RAI1: variants seen among roughly 807,000 people sequenced by gnomAD.
RAI1 encodes retinoic acid induced 1, also known as retinoic acid-induced protein 1.
RAI1 carries 9 observed loss-of-function variants against 123.8 expected under a neutral mutation model. The observed-to-expected ratio is 0.07, with a 90% CI of 0.04 to 0.13. The LOEUF (loss-of-function observed/expected upper bound fraction) is 0.13. Among genes scored for constraint, RAI1 ranks in the 10% least tolerant of loss-of-function variants. RAI1 has a pLI of 1.00. For missense variants in RAI1, 2,256 were observed against 2,545.8 expected, an observed-to-expected ratio of 0.89 and a Z score of 2.45; for synonymous variants, 1,231 against 1,127.3, an observed-to-expected ratio of 1.09 and a Z score of -1.84.
intron 2 of RAI1, among the ~76,000 whole-genome samples, chr17:17,792,548 G>C (rs1338048255): frequency 6.8e-6 from 1 of 146,084 alleles, no homozygotes; most frequent in East Asian, 2.0e-4. Flanking sequence ...GTGATGGGTG[G>C]GGGACATTGG....
chr17:17,719,449 T>G (rs1598032382), intron 1 of RAI1, among the ~76,000 whole-genome samples: 1 of 152,350 alleles, frequency 6.6e-6, no homozygotes, highest in East Asian at 1.9e-4. Context: ...CCCAGACAGC[T>G]GCATGCCTCA....
chr17:17,793,777 GACCAGCAGCAGCAGCAGCAGCAGCAGC>G lies in RAI1; in HGVS notation c.831_857del (p.Asp277_Gln286delinsGlu). On this transcript the variant is annotated inframe_deletion, in exon 3 of 6. Coordinates refer to ENST00000353383, the MANE Select transcript of RAI1 (RefSeq NM_030665.4). ...CTACCAGTCGGGCCGCCTCAGCTAT[GACCAGCAGCAGCAGCAGCAGCAGCAGC>G]AGCAGCAGCAGCAGCAAGCCCTTCA... The G allele has an allele frequency of 6.3e-7, 1 of 1,590,672 alleles. No individual in the cohort carries two copies. The highest frequency in any genetic ancestry group is 8.5e-7 in the Non-Finnish European group (1 of 1,174,986).
At chr17:17,708,033 C>A (rs1428915964) in intron 1 of RAI1, among the ~76,000 whole-genome samples, 1 of 152,180 alleles carries the variant, frequency 6.6e-6, no homozygotes, top group Non-Finnish European at 1.5e-5. Context: ...GAGGCTCTGG[C>A]AGACCTCAGA....
At chr17:17,698,155 G>A (rs963202881) in intron 1 of RAI1, among the ~76,000 whole-genome samples, 1 of 152,210 alleles carries the variant, frequency 6.6e-6, no homozygotes, top group East Asian at 1.9e-4. Flanking sequence ...CCAGTGCGCT[G>A]CTGTGGGGTG....
At position 17,800,852 on chromosome 17, in the gene RAI1, G is replaced by A; in HGVS notation, c.5565+2339G>A. ...TTGGGGGCGCCATGCTCCTTGGAGT[G>A]AGACCCTGGTTCAAATCCCAGCTCT... On this transcript the variant is annotated intron_variant, in intron 3 of 5. Transcript: ENST00000353383. This position sits in a 1 kb window ranked among gnomAD's most constrained non-coding sequence, Gnocchi z 4.7. 6.6e-6 allele frequency among the ~76,000 whole-genome samples: 1 copy of A among 152,224 alleles called. No individual in the cohort carries two copies. The highest frequency in any genetic ancestry group is 1.5e-5 in the Non-Finnish European group (1 of 68,040).
chr17:17,724,849 A>G (rs1916025576), intron 2 of RAI1, among the ~76,000 whole-genome samples: 1 of 151,968 alleles, frequency 6.6e-6, no homozygotes, highest in Non-Finnish European at 1.5e-5. Flanking sequence ...GGATCTGGAC[A>G]GAGCTGCAGG....
At position 17,795,354 on chromosome 17, in the gene RAI1, G is replaced by T; in HGVS notation, c.2406G>T (p.Lys802Asn). ...GFQEEDPPGE[K>N]VASLPGDFKQ... Reference sequence around the variant, plus strand: ...AGGAGGAGGACCCCCCTGGGGAGAAGGTGGCCTCGTTGCCCGGGGACTTCA... The same window carrying T: ...AGGAGGAGGACCCCCCTGGGGAGAATGTGGCCTCGTTGCCCGGGGACTTCA... Residue 802 changes from lysine to asparagine, a missense_variant, in exon 3 of 6, where the codon AAG becomes AAT. Around this residue, in one of 7 missense-constraint regions of RAI1, gnomAD observed 566 missense variants for 616.0 expected, o/e 0.92. Transcript: ENST00000353383. This position sits in a 1 kb window ranked among gnomAD's most constrained non-coding sequence, Gnocchi z 5.9. The T allele has an allele frequency of 6.3e-7, 1 of 1,598,962 alleles. No individual in the cohort carries two copies. Among genetic ancestry groups the T allele is most frequent in the Non-Finnish European group, 8.5e-7 (1 of 1,170,340 alleles).
intron 2 of RAI1, among the ~76,000 whole-genome samples, chr17:17,732,709 C>T (rs1438543448): frequency 6.6e-6 from 1 of 152,240 alleles, no homozygotes; most frequent in African/African-American, 2.4e-5. Flanking sequence ...GAGGCTACTG[C>T]TGCCTGGCGG....
At chr17:17,755,401 G>T (rs1183774645) in intron 2 of RAI1, among the ~76,000 whole-genome samples, 1 of 152,204 alleles carries the variant, frequency 6.6e-6, no homozygotes, top group African/African-American at 2.4e-5. Flanking sequence ...CTGGGCACTG[G>T]AACCACTTGG....
rs780112247 is a variant in RAI1 at position 17,803,900 on chromosome 17, CA to C, written c.5659+52del. On this transcript the variant is annotated intron_variant, in intron 4 of 5. Transcript: ENST00000353383. ...GGCATTGGAGCCCATCCAAGCAGTC[CA>C]GGGGGACCCTCCCTGGGCACAGCTC... is the stretch of plus-strand genomic sequence containing the variant. 4.5e-6 allele frequency: 7 copies of C among 1,545,066 alleles called. 1 individual carries two copies. The highest frequency in any genetic ancestry group is 6.3e-6 in the Non-Finnish European group (7 of 1,118,084).
At chr17:17,789,484 CGCTGG>C (rs2031938925) in intron 2 of RAI1, among the ~76,000 whole-genome samples, 2 of 152,204 alleles carry the variant, frequency 1.3e-5, no homozygotes, top group Admixed American at 1.3e-4. Context: ...CTGTGAGAGC[CGCTGG>C]CCTTGCACCG....
rs751238977 is a variant in RAI1 at position 17,795,876 on chromosome 17, C to T, written c.2928C>T (p.Pro976=). 2 of 1,612,630 alleles carry T rather than the reference C, an allele frequency of 1.2e-6. No homozygotes were observed. The highest frequency in any genetic ancestry group is 1.7e-6 in the Non-Finnish European group (2 of 1,179,978). ...TTSDASLAQK[P]NKPAVPEAPI... is the part of the protein sequence containing the mutation. ...CGGACGCCTCTCTGGCCCAGAAGCC[C>T]AACAAGCCTGCTGTGCCCGAGGCGC... Residue 976 remains proline, a synonymous_variant, in exon 3 of 6, where the codon CCC becomes CCT. Transcript: ENST00000353383. This position sits in a 1 kb window ranked among gnomAD's most constrained non-coding sequence, Gnocchi z 5.9.
In RAI1 at chr17:17,732,857, A is replaced by G. The variant is rs569775357; in HGVS notation, c.-17+8698A>G. ...TGCAGAGCCTACCACCTCCTCTGCC[A>G]TCTCTTCCACAGAGAGGCCAGGGCT... On this transcript the variant is annotated intron_variant, in intron 2 of 5. Transcript: ENST00000353383. 4.6e-5 allele frequency among the ~76,000 whole-genome samples: 7 copies of G among 152,268 alleles called. No homozygotes were observed. In the East Asian group the frequency reaches 1.4e-3, roughly 29 times the overall value.
rs1268228334 is a variant in RAI1 at position 17,695,082 on chromosome 17, CCGAGGG to C, written c.-149+13291_-149+13296del. On this transcript the variant is annotated intron_variant, in intron 1 of 5. Transcript: ENST00000353383. ...CGGCAGGGGCCTCGGGAAGCCGCTT[CCGAGGG>C]CCAGGATAATGGGGAGACTGGACCC... Among the ~76,000 whole-genome samples the C allele has an allele frequency of 2.6e-4, 40 of 152,158 alleles. 1 individual carries two copies. Among genetic ancestry groups the C allele is most frequent in the Admixed American group, 2.6e-3 (39 of 15,286 alleles).
chr17:17,684,124 T>C (rs371595296), intron 1 of RAI1: 14 of 152,312 alleles, frequency 9.2e-5, no homozygotes, highest in African/African-American at 3.1e-4. Flanking sequence ...CCTCCCTCTT[T>C]GGCCTCCCAA....
chr17:17,737,653 C>T (rs1916478870), intron 2 of RAI1, among the ~76,000 whole-genome samples: 1 of 152,190 alleles, frequency 6.6e-6, no homozygotes, highest in Admixed American at 6.5e-5. Context: ...TCCTCCAGTC[C>T]CCCGCCCCAT....
chr17:17,810,389 G>A lies in RAI1; in HGVS notation c.*408G>A. 1 of 248,112 alleles carries A rather than the reference G, an allele frequency of 4.0e-6. No individual in the cohort carries two copies. Among genetic ancestry groups the A allele is most frequent in the Non-Finnish European group, 7.9e-6 (1 of 127,116 alleles). The allele number at this position is 248,112 out of a possible 1,614,324, so 15.4% of individuals were successfully genotyped here. On this transcript the variant is annotated 3_prime_UTR_variant, in exon 6 of 6. Transcript: ENST00000353383. This position sits in a 1 kb window ranked among gnomAD's most constrained non-coding sequence, Gnocchi z 4.6. ...GCACACATTCCACGTGGGTGCTGCC[G>A]CCACCCCAGTCGGTCGTGGCGTGCA...
chr17:17,704,502 GT>G (rs1915330635), intron 1 of RAI1, among the ~76,000 whole-genome samples: 1 of 152,148 alleles, frequency 6.6e-6, no homozygotes, highest in Non-Finnish European at 1.5e-5. Flanking sequence ...CCAGGCACCC[GT>G]GCCGGGCAGT....
intron 2 of RAI1, among the ~76,000 whole-genome samples, chr17:17,733,461 G>T (rs1916331923): frequency 1.3e-5 from 2 of 152,172 alleles, no homozygotes; most frequent in African/African-American, 2.4e-5. Context: ...GATTCTGCTT[G>T]TTCTATAAGA....
Sources: gnomAD v4.1 joint callset for allele counts (sites outside exome capture counted in the v4.1 genomes callset) on GRCh38, gnomAD v4.1.1 for gene constraint, gnomAD v4.1.1 regional missense constraint, Gnocchi (gnomAD v3.1) non-coding constraint, MANE v1.5 for transcripts, NCBI Gene and HGNC (gene_info 2026-07-23, HGNC 2026-07-21) for gene names.